The following DGKI variants were observed in gnomAD, a reference collection of about 807,000 sequenced individuals.
DGKI encodes diacylglycerol kinase iota, also known as DAG kinase iota.
A neutral mutation model predicts 147.5 loss-of-function variants in DGKI; 55 were observed. The ratio of observed to expected loss-of-function variants is 0.37; its 90% CI spans 0.30 to 0.47. DGKI has a LOEUF of 0.47. DGKI is among the 20% of genes least tolerant of loss of function. The probability of loss-of-function intolerance (pLI) is 1.00; values close to 1 mark genes in which losing one functional copy is unlikely to be tolerated. For synonymous variants in DGKI, 469 were observed against 477.1 expected, an observed-to-expected ratio of 0.98 and a Z score of 0.22; for missense variants, 1,007 against 1,323.8, an observed-to-expected ratio of 0.76 and a Z score of 3.71.
At chr7:137,534,729 G>T (rs1179506077) in intron 20 of DGKI, among the ~76,000 whole-genome samples, 5 of 152,158 alleles carry the variant, frequency 3.3e-5, no homozygotes, top group African/African-American at 1.2e-4. Flanking sequence ...GGGTGACACA[G>T]AAATATAACT....
chr7:137,455,875 C>T (rs552221192), intron 27 of DGKI, among the ~76,000 whole-genome samples: 1 of 152,278 alleles, frequency 6.6e-6, no homozygotes, highest in Non-Finnish European at 1.5e-5. Flanking sequence ...TAAGTGATTA[C>T]TGCTCCACAT....
At chr7:137,707,085 C>T (rs1794061136) in intron 1 of DGKI, among the ~76,000 whole-genome samples, 1 of 152,176 alleles carries the variant, frequency 6.6e-6, no homozygotes, top group South Asian at 2.1e-4. Context: ...TTGATTTCCG[C>T]TGGTCAATCT....
chr7:137,549,152 T>C (rs1438282926), intron 20 of DGKI, among the ~76,000 whole-genome samples: 1 of 152,092 alleles, frequency 6.6e-6, no homozygotes, highest in Non-Finnish European at 1.5e-5. Flanking sequence ...GCTCACTGGA[T>C]GGTGGGGTAG....
chr7:137,503,445 G>A (rs1042560937), intron 21 of DGKI, among the ~76,000 whole-genome samples: 4 of 152,094 alleles, frequency 2.6e-5, no homozygotes, highest in African/African-American at 4.8e-5. Flanking sequence ...CAAAACCCAC[G>A]TTCTCACTTG....
At chr7:137,561,288 C>T (rs1024602748) in intron 19 of DGKI, among the ~76,000 whole-genome samples, 7 of 152,088 alleles carry the variant, frequency 4.6e-5, no homozygotes, top group African/African-American at 1.2e-4. Context: ...AACTGGAGAA[C>T]ATTATGCTAA....
intron 20 of DGKI, among the ~76,000 whole-genome samples, chr7:137,533,671 C>A (rs991749796): frequency 1.3e-5 from 2 of 152,216 alleles, no homozygotes; most frequent in Middle Eastern, 3.4e-3. Flanking sequence ...TTCTTAAGAG[C>A]AGTAAGGTCT....
At chr7:137,471,917 T>TATGTATATATGTATATATAATATATACAC (rs1814909487) in intron 23 of DGKI, among the ~76,000 whole-genome samples, 4 of 142,492 alleles carry the variant, frequency 2.8e-5, no homozygotes, top group Non-Finnish European at 4.5e-5. Flanking sequence ...TTGCTCTCTA[T>TATGTATATATGTATATATAATATATACAC]ATGTATATAT....
At chr7:137,446,834 C>A (rs908167170) in intron 27 of DGKI, among the ~76,000 whole-genome samples, 1 of 152,160 alleles carries the variant, frequency 6.6e-6, no homozygotes, top group Non-Finnish European at 1.5e-5. Context: ...AACAGAGGTT[C>A]AATCCCAAAA....
At chr7:137,653,999 C>A (rs114794484) in intron 5 of DGKI, among the ~76,000 whole-genome samples, 319 of 152,232 alleles carry the variant, frequency 2.1e-3, no homozygotes, top group African/African-American at 7.5e-3. Flanking sequence ...AGGGTTCTTG[C>A]CTGAACTGTG....
intron 1 of DGKI, among the ~76,000 whole-genome samples, chr7:137,736,674 G>A (rs142248685): frequency 2.0e-5 from 3 of 152,170 alleles, no homozygotes; most frequent in East Asian, 3.9e-4. Flanking sequence ...TGAAAGTAAC[G>A]GGAACTTGAA....
intron 1 of DGKI, among the ~76,000 whole-genome samples, chr7:137,692,090 T>A (rs1823634255): frequency 6.6e-6 from 1 of 152,144 alleles, no homozygotes; most frequent in Non-Finnish European, 1.5e-5. Context: ...ATATTCCATA[T>A]CATCGAGCAA....
intron 23 of DGKI, among the ~76,000 whole-genome samples, chr7:137,473,504 A>G (rs1427644219): frequency 6.6e-6 from 1 of 152,160 alleles, no homozygotes; most frequent in Non-Finnish European, 1.5e-5. Context: ...CCAAGATGCT[A>G]AAAAAGCTAT....
intron 24 of DGKI, among the ~76,000 whole-genome samples, chr7:137,467,330 G>A (rs1481174898): frequency 6.6e-6 from 1 of 152,180 alleles, no homozygotes; most frequent in Non-Finnish European, 1.5e-5. Context: ...ATGAGACTAA[G>A]AGACCTGCCT....
At chr7:137,614,997 G>A (rs1437474637) in intron 8 of DGKI, among the ~76,000 whole-genome samples, 1 of 151,958 alleles carries the variant, frequency 6.6e-6, no homozygotes, top group East Asian at 1.9e-4. Context: ...TACCACAAAT[G>A]GCATATTTTC....
intron 2 of DGKI, among the ~76,000 whole-genome samples, chr7:137,684,711 G>A (rs1823357415): frequency 6.6e-6 from 1 of 152,200 alleles, no homozygotes; most frequent in Non-Finnish European, 1.5e-5. Context: ...CTGATTTATA[G>A]TGAGTAGTTC....
At chr7:137,798,336 T>C (rs1797096317) in intron 1 of DGKI, among the ~76,000 whole-genome samples, 1 of 152,178 alleles carries the variant, frequency 6.6e-6, no homozygotes, top group Non-Finnish European at 1.5e-5. Context: ...TTCAACCTAC[T>C]CTACGTGGCC....
intron 31 of DGKI, among the ~76,000 whole-genome samples, chr7:137,396,962 A>G (rs910554422): frequency 2.0e-5 from 3 of 152,234 alleles, no homozygotes; most frequent in Non-Finnish European, 4.4e-5. Context: ...CTAGACTAAC[A>G]GAGAGAAGTT....
chr7:137,811,233 A>AATG (rs1320899974), intron 1 of DGKI, among the ~76,000 whole-genome samples: 1 of 152,150 alleles, frequency 6.6e-6, no homozygotes, highest in African/African-American at 2.4e-5. Flanking sequence ...GAGGCTCTTT[A>AATG]ATGATATTAC....
In DGKI at chr7:137,412,146, A is replaced by G. The variant is rs1377510765; in HGVS notation, c.2799+24T>C. 2.5e-5 allele frequency: 40 copies of G among 1,610,208 alleles called. No homozygotes were observed. The Admixed American group carries it at 6.7e-4, about 27-fold the overall frequency. ...TTTAAAGTTCTTAAAGCATCGCCAA[A>G]GATTTGGTAGGAAGATATCTTACCT... On this transcript the variant is annotated intron_variant, in intron 29 of 32. Coordinates refer to ENST00000614521, the MANE Select transcript of DGKI (RefSeq NM_001321708.2).
Sources: gnomAD v4.1 joint callset for allele counts (sites outside exome capture counted in the v4.1 genomes callset) on GRCh38, gnomAD v4.1.1 for gene constraint, MANE v1.5 for transcripts, NCBI Gene and HGNC (gene_info 2026-07-23, HGNC 2026-07-21) for gene names.